FRMD4B: variants seen among roughly 807,000 people sequenced by gnomAD.
The protein encoded by FRMD4B is FERM domain containing 4B.
Under a neutral mutation model 141.5 loss-of-function variants are expected in FRMD4B, and 74 were observed. The observed-to-expected ratio is 0.52, with a 90% CI of 0.43 to 0.63. FRMD4B has a LOEUF of 0.63. FRMD4B is among the 30% of genes least tolerant of loss of function. FRMD4B has a pLI of 0.00. For synonymous variants in FRMD4B, 506 were observed against 467.9 expected, an observed-to-expected ratio of 1.08 and a Z score of -1.05; for missense variants, 1,366 against 1,253.4, an observed-to-expected ratio of 1.09 and a Z score of -1.36.
intron 1 of FRMD4B, among the ~76,000 whole-genome samples, chr3:69,377,764 G>A (rs2106664606): frequency 6.6e-6 from 1 of 152,100 alleles, no homozygotes; most frequent in South Asian, 2.1e-4. Context: ...TTTTTGTTGA[G>A]CCTGAATTCT....
intron 1 of FRMD4B, among the ~76,000 whole-genome samples, chr3:69,385,310 A>G (rs1459601126): frequency 6.6e-6 from 1 of 152,060 alleles, no homozygotes; most frequent in Non-Finnish European, 1.5e-5. Context: ...CCTTCCTTCC[A>G]AAAGCCAGTA....
At chr3:69,281,837 A>AAT (rs1559775891) in intron 5 of FRMD4B, among the ~76,000 whole-genome samples, 1 of 39,172 alleles carries the variant, frequency 2.6e-5, no homozygotes, top group Non-Finnish European at 7.8e-5. Flanking sequence ...AAAAAAAAAA[A>AAT]AATATATATA....
chr3:69,176,489 C>T (rs2092647670), intron 22 of FRMD4B, 35 bp downstream of exon 22: 2 of 1,575,626 alleles, frequency 1.3e-6, no homozygotes, highest in Non-Finnish European at 1.7e-6. Context: ...TGAACTGGAA[C>T]AGGCTCCTAG....
intron 2 of FRMD4B, among the ~76,000 whole-genome samples, chr3:69,409,970 G>T (rs911973600): frequency 6.6e-6 from 1 of 152,064 alleles, no homozygotes; most frequent in Non-Finnish European, 1.5e-5. Flanking sequence ...TCTGAAATGG[G>T]GTTTCTCCTG....
At chr3:69,355,143 A>G (rs1169906109) in intron 1 of FRMD4B, among the ~76,000 whole-genome samples, 7 of 152,204 alleles carry the variant, frequency 4.6e-5, no homozygotes, top group African/African-American at 1.4e-4. Context: ...GCTGTGATAA[A>G]AGGATGACTC....
chr3:69,446,565 G>T (rs1202403619), intron 1 of FRMD4B, among the ~76,000 whole-genome samples: 1 of 152,088 alleles, frequency 6.6e-6, no homozygotes, highest in African/African-American at 2.4e-5. Context: ...ACTCACCTCA[G>T]GTGATCAGCC....
chr3:69,274,261 A>G (rs2093608001), intron 5 of FRMD4B, among the ~76,000 whole-genome samples: 1 of 152,160 alleles, frequency 6.6e-6, no homozygotes, highest in African/African-American at 2.4e-5. Flanking sequence ...TATAGTTTGC[A>G]TATATATTAA....
chr3:69,408,363 C>G (rs1421349226), intron 2 of FRMD4B, among the ~76,000 whole-genome samples: 1 of 152,196 alleles, frequency 6.6e-6, no homozygotes, highest in African/African-American at 2.4e-5. Context: ...TGCTGCCTAT[C>G]AAGTGTGGTT....
intron 1 of FRMD4B, among the ~76,000 whole-genome samples, chr3:69,456,848 T>A (rs1464518597): frequency 2.0e-5 from 3 of 151,964 alleles, no homozygotes; most frequent in Admixed American, 1.3e-4. Flanking sequence ...ACAGCCACAC[T>A]CTTTCTTTTA....
At chr3:69,338,397 G>GTA (rs1702625866) in intron 1 of FRMD4B, among the ~76,000 whole-genome samples, 1 of 152,050 alleles carries the variant, frequency 6.6e-6, no homozygotes, top group African/African-American at 2.4e-5. Context: ...CATGGCACAT[G>GTA]TATATATATG....
intron 1 of FRMD4B, among the ~76,000 whole-genome samples, chr3:69,379,878 T>G (rs983952840): frequency 6.6e-6 from 1 of 152,226 alleles, no homozygotes; most frequent in Non-Finnish European, 1.5e-5. Context: ...CAACAAAACT[T>G]TATTTACAAA....
rs750807247 is a variant in FRMD4B at position 69,394,604 on chromosome 3, C to T, written c.-1+38030G>A. Among the ~76,000 whole-genome samples, 37 of 152,250 alleles carry T rather than the reference C, an allele frequency of 2.4e-4. 1 individual carries two copies. The highest frequency in any genetic ancestry group is 3.4e-3 in the Middle Eastern group (1 of 294). ...TTAGTTCAACTATTGTGGAAGACCGCGTGGCAATTCCTCAAGGATCTAGAA... is the reference window on the plus strand; with the variant it reads ...TTAGTTCAACTATTGTGGAAGACCGTGTGGCAATTCCTCAAGGATCTAGAA... On this transcript the variant is annotated intron_variant, in intron 2 of 5. Coordinates refer to the FRMD4B transcript ENST00000459638.
At chr3:69,370,690 G>A (rs1046547262) in intron 1 of FRMD4B, among the ~76,000 whole-genome samples, 1 of 152,114 alleles carries the variant, frequency 6.6e-6, no homozygotes, top group Non-Finnish European at 1.5e-5. Flanking sequence ...CGTTGCCTTC[G>A]GGCAGAGTTC....
intron 7 of FRMD4B, among the ~76,000 whole-genome samples, chr3:69,230,059 C>G (rs1402953262): frequency 6.6e-6 from 1 of 151,948 alleles, no homozygotes; most frequent in African/African-American, 2.4e-5. Context: ...TCACTGCAAC[C>G]TCTGCCTCCC....
intron 2 of FRMD4B, among the ~76,000 whole-genome samples, chr3:69,416,911 A>G (rs975868681): frequency 6.6e-6 from 1 of 152,192 alleles, no homozygotes; most frequent in Non-Finnish European, 1.5e-5. Flanking sequence ...ATAGTATTCC[A>G]TCATGTATAT....
At chr3:69,233,597 G>C (rs573660783) in intron 7 of FRMD4B, among the ~76,000 whole-genome samples, 2 of 152,132 alleles carry the variant, frequency 1.3e-5, no homozygotes, top group South Asian at 2.1e-4. Flanking sequence ...AAATGCCATA[G>C]TTAAGTGCCT....
intron 2 of FRMD4B, among the ~76,000 whole-genome samples, chr3:69,394,362 G>T (rs1033123709): frequency 2.0e-5 from 3 of 152,234 alleles, no homozygotes; most frequent in African/African-American, 7.2e-5. Flanking sequence ...TTCAAATACG[G>T]ATCTTGGGAA....
At position 69,302,337 on chromosome 3, in the gene FRMD4B, A is replaced by G; in HGVS notation, c.416+6T>C. 10 of 1,521,710 alleles carry G rather than the reference A, an allele frequency of 6.6e-6. No homozygotes were observed. Among genetic ancestry groups the G allele is most frequent in the Non-Finnish European group, 9.1e-6 (10 of 1,098,418 alleles). 94.3% of individuals were successfully genotyped at this position (1,521,710 alleles called of 1,614,324 possible). A position where few individuals can be genotyped will look rare whatever the true frequency, so the allele number is the denominator to read the frequency against. On this transcript the variant is annotated splice_donor_region_variant and intron_variant, in intron 4 of 22. Coordinates refer to ENST00000398540, the MANE Select transcript of FRMD4B (RefSeq NM_015123.3). The stretch of plus-strand genomic sequence containing the variant: ...AGGGATGCTAACTGGGTCTGTGGAT[A>G]CATACCTCACAGCAAAGTGCAAAAT...
chr3:69,467,763 C>T (rs1191822715), intron 1 of FRMD4B, among the ~76,000 whole-genome samples: 1 of 152,182 alleles, frequency 6.6e-6, no homozygotes. Flanking sequence ...ACCACATTCT[C>T]CTGATCATGA....
Sources: gnomAD v4.1 joint callset for allele counts (sites outside exome capture counted in the v4.1 genomes callset) on GRCh38, gnomAD v4.1.1 for gene constraint, MANE v1.5 for transcripts, NCBI Gene and HGNC (gene_info 2026-07-23, HGNC 2026-07-21) for gene names.